The following INPP4B variants were observed in gnomAD, a reference collection of about 807,000 sequenced individuals.
The protein encoded by INPP4B is inositol polyphosphate 4-phosphatase type II.
A neutral mutation model predicts 122.5 loss-of-function variants in INPP4B; 55 were observed. The observed-to-expected ratio is 0.45, with a 90% CI of 0.36 to 0.56. The LOEUF is 0.56. Ranked by LOEUF, INPP4B falls within the 20% of genes least tolerant of loss-of-function variation. INPP4B has a pLI of 0.00. For missense variants in INPP4B, 1,000 were observed against 1,097.7 expected (o/e 0.91, Z 1.26); for synonymous variants, 403 against 388.7 (o/e 1.04, Z -0.43).
chr4:142,302,557 T>C (rs1761880351), intron 9 of INPP4B, among the ~76,000 whole-genome samples: 1 of 152,154 alleles, frequency 6.6e-6, no homozygotes, highest in Admixed American at 6.6e-5. Context: ...ATTTATGAAA[T>C]GGAAATTAAT....
At chr4:142,820,691 A>G (rs1247232732) in intron 1 of INPP4B, among the ~76,000 whole-genome samples, 1 of 152,156 alleles carries the variant, frequency 6.6e-6, no homozygotes, top group Non-Finnish European at 1.5e-5. Context: ...TCCATATTTC[A>G]GTTGGCCAGT....
At chr4:142,384,830 C>G (rs1050995659) in intron 7 of INPP4B, among the ~76,000 whole-genome samples, 2 of 152,126 alleles carry the variant, frequency 1.3e-5, no homozygotes, top group Admixed American at 6.6e-5. Flanking sequence ...CCTCTCCCTC[C>G]TCCCACCCTC....
chr4:142,829,337 G>T (rs551677544), intron 1 of INPP4B, among the ~76,000 whole-genome samples: 1 of 152,294 alleles, frequency 6.6e-6, no homozygotes, highest in South Asian at 2.1e-4. Context: ...GTGGAGCACA[G>T]GTAGATCAGA....
chr4:142,788,164 T>C (rs1263432410), intron 1 of INPP4B, among the ~76,000 whole-genome samples: 1 of 152,130 alleles, frequency 6.6e-6, no homozygotes, highest in Non-Finnish European at 1.5e-5. Context: ...TTAGTACATT[T>C]AGAGCAAATA....
chr4:142,615,878 A>C (rs1391151380), intron 2 of INPP4B, among the ~76,000 whole-genome samples: 1 of 152,142 alleles, frequency 6.6e-6, no homozygotes, highest in Non-Finnish European at 1.5e-5. Context: ...GAAGGTTCAC[A>C]GAAAATAAAC....
chr4:142,216,814 G>A (rs1246388581), intron 12 of INPP4B, among the ~76,000 whole-genome samples: 2 of 152,134 alleles, frequency 1.3e-5, no homozygotes, highest in Non-Finnish European at 2.9e-5. Flanking sequence ...ACAACCCTGT[G>A]AAGAATAAAG....
chr4:142,567,845 GA>G (rs1298183468), intron 2 of INPP4B, among the ~76,000 whole-genome samples: 1 of 151,896 alleles, frequency 6.6e-6, no homozygotes, highest in Non-Finnish European at 1.5e-5. Context: ...AAATGAATAA[GA>G]AAAAAAGAAA....
At position 142,826,496 on chromosome 4, in the gene INPP4B, TCACA is replaced by T. The variant is rs34633285; in HGVS notation, c.-254+19709_-254+19712del. On this transcript the variant is annotated intron_variant, in intron 1 of 25. Transcript: ENST00000262992. ...TTAATGCTAAATTGTGTTCATAAAA[TCACA>T]CACACACACACACACACAAATAAAA... Among the ~76,000 whole-genome samples, 49 of 149,062 alleles carry T rather than the reference TCACA, an allele frequency of 3.3e-4. 1 individual carries two copies. Among genetic ancestry groups the T allele is most frequent in the African/African-American group, 1.2e-3 (47 of 40,702 alleles).
At chr4:142,230,958 AGT>A (rs1246910886) in intron 12 of INPP4B, among the ~76,000 whole-genome samples, 1 of 152,112 alleles carries the variant, frequency 6.6e-6, no homozygotes, top group Non-Finnish European at 1.5e-5. Context: ...AAAAAAGTAT[AGT>A]GTTATGAGAA....
chr4:142,304,338 C>T (rs1762572544), intron 9 of INPP4B, among the ~76,000 whole-genome samples: 1 of 151,922 alleles, frequency 6.6e-6, no homozygotes, highest in South Asian at 2.1e-4. Context: ...TATATGTTTT[C>T]CCATACAAAA....
At chr4:142,393,621 C>T (rs545381630) in intron 7 of INPP4B, among the ~76,000 whole-genome samples, 9 of 152,202 alleles carry the variant, frequency 5.9e-5, no homozygotes, top group Non-Finnish European at 1.2e-4. Context: ...CTGAGAAGAA[C>T]TCTGTCCTAT....
At chr4:142,726,111 A>G (rs561020763) in intron 1 of INPP4B, among the ~76,000 whole-genome samples, 1 of 152,280 alleles carries the variant, frequency 6.6e-6, no homozygotes, top group South Asian at 2.1e-4. Flanking sequence ...AGCTGAGAAC[A>G]TGGGTGACTG....
At chr4:142,147,573 C>T (rs1299330804) in intron 17 of INPP4B, among the ~76,000 whole-genome samples, 11 of 152,130 alleles carry the variant, frequency 7.2e-5, no homozygotes, top group Admixed American at 6.5e-4. Flanking sequence ...ACTACCTCAC[C>T]AAGCTGCAAT....
intron 2 of INPP4B, among the ~76,000 whole-genome samples, chr4:142,550,223 T>G (rs1250026332): frequency 6.6e-6 from 1 of 152,126 alleles, no homozygotes; most frequent in Non-Finnish European, 1.5e-5. Flanking sequence ...CACTATGTGG[T>G]GGGCACAGGA....
chr4:142,466,255 G>T (rs531047192), intron 2 of INPP4B, among the ~76,000 whole-genome samples: 2 of 152,278 alleles, frequency 1.3e-5, no homozygotes, highest in South Asian at 4.1e-4. Flanking sequence ...AGACAGTGAT[G>T]TCCAGGCTGA....
chr4:142,398,728 T>C (rs1248034413), intron 7 of INPP4B, among the ~76,000 whole-genome samples: 1 of 152,048 alleles, frequency 6.6e-6, no homozygotes, highest in Non-Finnish European at 1.5e-5. Context: ...GCCCTGGGCA[T>C]ATAACACAAC....
At chr4:142,135,514 G>A (rs1025263058) in intron 18 of INPP4B, among the ~76,000 whole-genome samples, 2 of 152,078 alleles carry the variant, frequency 1.3e-5, no homozygotes, top group Non-Finnish European at 2.9e-5. Flanking sequence ...TGACTGGCTG[G>A]GGCTGGAGCA....
intron 11 of INPP4B, among the ~76,000 whole-genome samples, chr4:142,250,635 C>T (rs1731511980): frequency 6.6e-6 from 1 of 152,132 alleles, no homozygotes; most frequent in South Asian, 2.1e-4. Context: ...TGAACAGAAA[C>T]ATTTTATGAA....
chr4:142,507,213 G>A (rs545645083), intron 2 of INPP4B, among the ~76,000 whole-genome samples: 1 of 152,148 alleles, frequency 6.6e-6, no homozygotes, highest in Non-Finnish European at 1.5e-5. Context: ...GATCCTTCAG[G>A]ATGGGCATGG....
Sources: allele counts gnomAD v4.1 joint callset (sites outside exome capture counted in the v4.1 genomes callset), GRCh38; gene constraint gnomAD v4.1.1; transcripts MANE v1.5; gene names NCBI Gene and HGNC (gene_info 2026-07-23, HGNC 2026-07-21).